The following CELF2 variants were observed in gnomAD, a reference collection of about 807,000 sequenced individuals.
The protein encoded by CELF2 is CUGBP Elav-like family member 2.
A neutral mutation model predicts 62.6 loss-of-function variants in CELF2; 8 were observed. The ratio of observed to expected loss-of-function variants is 0.13; its 90% CI spans 0.07 to 0.23. The LOEUF is 0.23. CELF2 is among the 10% of genes least tolerant of loss of function. CELF2 has a pLI of 1.00. For synonymous variants in CELF2, 258 were observed against 250.0 expected, an observed-to-expected ratio of 1.03 and a Z score of -0.30; for missense variants, 333 against 671.0, an observed-to-expected ratio of 0.50 and a Z score of 5.56.
At chr10:10,505,424 C>T in the CELF2 span, among the ~76,000 whole-genome samples, 2 of 152,094 alleles carry the variant, frequency 1.3e-5, no homozygotes, top group African/African-American at 2.4e-5. Context: ...CTCCACCAGG[C>T]TGCTTCTGAT....
chr10:10,685,237 A>C, the CELF2 span, among the ~76,000 whole-genome samples: 3 of 152,178 alleles, frequency 2.0e-5, no homozygotes, highest in Admixed American at 1.3e-4. Context: ...CTAGACTGTC[A>C]TCTGCTTTTT....
At chr10:11,142,390 ATGGGC>A (rs374541254) in intron 1 of CELF2, among the ~76,000 whole-genome samples, 1 of 148,454 alleles carries the variant, frequency 6.7e-6, no homozygotes, top group Non-Finnish European at 1.5e-5. Context: ...TTAAAAGTGG[ATGGGC>A]TGGGCTGGGC....
In CELF2 at chr10:11,145,006, C is replaced by G. The variant is rs549499184; in HGVS notation, c.75-20480C>G. Among the ~76,000 whole-genome samples, 9 of 151,350 alleles carry G rather than the reference C, an allele frequency of 5.9e-5. No individual in the cohort carries two copies. Among genetic ancestry groups the G allele is most frequent in the East Asian group, 1.9e-4 (1 of 5,148 alleles). Reference sequence around the variant, plus strand: ...AAGACTTTCTTGTTTATTTCTGTGTCGAAGGCAAGGCAGCTTAATAGAATT... The same window carrying G: ...AAGACTTTCTTGTTTATTTCTGTGTGGAAGGCAAGGCAGCTTAATAGAATT... On this transcript the variant is annotated intron_variant, in intron 1 of 12. Transcript: ENST00000633077. This position sits in a 1 kb window ranked among gnomAD's most constrained non-coding sequence, Gnocchi z 4.3.
chr10:10,846,268 T>G (rs1411686587), intron 1 of CELF2: 1 of 231,080 alleles, frequency 4.3e-6, no homozygotes, highest in Non-Finnish European at 7.1e-6. Context: ...TCCAAGCTCC[T>G]TCTTGCTTCC....
chr10:10,940,776 G>T (rs2046963808), intron 2 of CELF2, among the ~76,000 whole-genome samples: 1 of 152,150 alleles, frequency 6.6e-6, no homozygotes, highest in East Asian at 1.9e-4. Flanking sequence ...GTATGTATGT[G>T]TGGCATGAAG....
In CELF2 at chr10:11,275,128, A is replaced by T. The variant is rs1256825789; in HGVS notation, c.841+8A>T. The T allele has an allele frequency of 6.2e-7, 1 of 1,614,110 alleles. No individual in the cohort carries two copies. On this transcript the variant is annotated splice_region_variant and intron_variant, in intron 8 of 12. Coordinates refer to ENST00000633077, the MANE Select transcript of CELF2 (RefSeq NM_001326342.2). ...GCATTCAACAAATGGCAGGTAAGTC[A>T]GGAAGCACGCCTCTCCTTTTGACCG...
intron 8 of CELF2, among the ~76,000 whole-genome samples, chr10:11,279,129 T>A (rs1233644807): frequency 2.0e-5 from 3 of 152,162 alleles, no homozygotes; most frequent in Non-Finnish European, 2.9e-5. Context: ...TTTTCTAGGA[T>A]AAAGAATTGT....
rs1372030297 is a variant in CELF2, at chr10:11,280,057, T to G, written c.841+4937T>G. On this transcript the variant is annotated intron_variant, in intron 8 of 12. Transcript: ENST00000633077. The surrounding 1 kb of genome is among the most constrained non-coding windows in gnomAD (Gnocchi z 7.6). Reference sequence around the variant, plus strand: ...CCAAGCACGCGCCCTTGCCTCTCGGTCTGGTGCCCTTTCAGGATGAGCGTG... The same window carrying G: ...CCAAGCACGCGCCCTTGCCTCTCGGGCTGGTGCCCTTTCAGGATGAGCGTG... Among the ~76,000 whole-genome samples the G allele has an allele frequency of 2.6e-5, 4 of 152,158 alleles. No homozygotes were observed. Among genetic ancestry groups the G allele is most frequent in the African/African-American group, 4.8e-5 (2 of 41,430 alleles).
chr10:10,675,519 A>C, the CELF2 span, among the ~76,000 whole-genome samples: 2 of 152,106 alleles, frequency 1.3e-5, no homozygotes, highest in Admixed American at 1.3e-4. Flanking sequence ...TTGGTGTCTG[A>C]CATAAATTTA....
chr10:10,833,704 G>GA (rs929490202), intron 1 of CELF2, among the ~76,000 whole-genome samples: 6 of 151,886 alleles, frequency 4.0e-5, no homozygotes, highest in Admixed American at 1.3e-4. Context: ...ACAAGCATAT[G>GA]AAAAAAAAGC....
At chr10:11,258,674 C>T (rs1434298726) in intron 5 of CELF2, among the ~76,000 whole-genome samples, 1 of 152,172 alleles carries the variant, frequency 6.6e-6, no homozygotes, top group Non-Finnish European at 1.5e-5. Context: ...CTGAGTCAGT[C>T]CAAGGTGGAA....
At chr10:10,916,610 T>G (rs538953162) in intron 1 of CELF2, among the ~76,000 whole-genome samples, 18 of 152,320 alleles carry the variant, frequency 1.2e-4, no homozygotes, top group African/African-American at 4.3e-4. Context: ...TTGGAATTTC[T>G]TTTGTTGTTG....
chr10:10,587,908 G>A, the CELF2 span, among the ~76,000 whole-genome samples: 1 of 152,046 alleles, frequency 6.6e-6, no homozygotes, highest in Non-Finnish European at 1.5e-5. Context: ...ATAGATACCC[G>A]CAGATTTGGG....
chr10:11,257,902 C>A, intron 5 of CELF2, 30 bp downstream of exon 5: 1 of 1,612,368 alleles, frequency 6.2e-7, no homozygotes, highest in South Asian at 1.1e-5. Context: ...AGCCTCTCCC[C>A]TTCAGTGCTA....
chr10:10,760,750 T>G, the CELF2 span, among the ~76,000 whole-genome samples: 1 of 152,122 alleles, frequency 6.6e-6, no homozygotes, highest in African/African-American at 2.4e-5. Context: ...CCAACAGTGT[T>G]TCTCGCAGAA....
intron 1 of CELF2, among the ~76,000 whole-genome samples, chr10:11,026,624 A>G (rs900269743): frequency 6.6e-6 from 1 of 152,222 alleles, no homozygotes; most frequent in Non-Finnish European, 1.5e-5. Context: ...CATAACCAGT[A>G]CAGAGTACAG....
upstream of CELF2, among the ~76,000 whole-genome samples, chr10:11,003,798 A>G (rs2054764278): frequency 6.6e-6 from 1 of 152,182 alleles, no homozygotes; most frequent in Admixed American, 6.5e-5. This position sits in a 1 kb window ranked among gnomAD's most constrained non-coding sequence, Gnocchi z 4.4. Flanking sequence ...GTTCATTTTT[A>G]TATATTCACT....
intron 3 of CELF2, among the ~76,000 whole-genome samples, chr10:11,232,614 G>A (rs1253674031): frequency 1.3e-5 from 2 of 152,122 alleles, no homozygotes; most frequent in Admixed American, 6.5e-5. Flanking sequence ...GGTGATCTTT[G>A]TAGCTCCTCC....
chr10:11,086,510 A>G (rs10490956), intron 1 of CELF2, among the ~76,000 whole-genome samples: 37,388 of 146,640 alleles, frequency 0.25, 4,983 homozygotes, highest in Middle Eastern at 0.31. Flanking sequence ...GCAGTCCAAA[A>G]TATTTGATAA....
Sources: gnomAD v4.1 joint callset for allele counts (sites outside exome capture counted in the v4.1 genomes callset) on GRCh38, gnomAD v4.1.1 for gene constraint, Gnocchi (gnomAD v3.1) non-coding constraint, MANE v1.5 for transcripts, NCBI Gene and HGNC (gene_info 2026-07-23, HGNC 2026-07-21) for gene names.